Variants in URI1 observed in about 807,000 individuals in gnomAD.
URI1 encodes the protein URI1 prefoldin like chaperone, also known as unconventional prefoldin RPB5 interactor 1.
Under a neutral mutation model 60.2 loss-of-function variants are expected in URI1, and 39 were observed. The observed-to-expected ratio is 0.65, with a 90% CI of 0.50 to 0.85. The LOEUF (loss-of-function observed/expected upper bound fraction) is 0.85. Ranked by LOEUF, URI1 falls within the 40% of genes least tolerant of loss-of-function variation. URI1 has a pLI of 0.00. For missense variants in URI1, 691 were observed against 665.9 expected (o/e 1.04, Z -0.42); for synonymous variants, 251 against 236.8 (o/e 1.06, Z -0.55).
intron 2 of URI1, among the ~76,000 whole-genome samples, chr19:29,981,685 A>G (rs1308840588): frequency 1.3e-5 from 2 of 152,146 alleles, no homozygotes; most frequent in Non-Finnish European, 2.9e-5. Flanking sequence ...CTGATCTATA[A>G]GGATCCATTA....
chr19:29,931,761 A>G (rs2054919300), intron 1 of URI1, among the ~76,000 whole-genome samples: 1 of 152,066 alleles, frequency 6.6e-6, no homozygotes, highest in Non-Finnish European at 1.5e-5. Flanking sequence ...TTTATTCTTG[A>G]TGTTACTGTA....
chr19:29,930,873 T>G (rs2145196178), intron 1 of URI1, among the ~76,000 whole-genome samples: 1 of 151,696 alleles, frequency 6.6e-6, no homozygotes, highest in South Asian at 2.1e-4. Context: ...TTTTTTTTTT[T>G]TTTTCTGTAG....
rs549472925 is a variant in URI1 at position 29,968,985 on chromosome 19, T to A, written c.118-2208T>A. ...GGCTTAAATCTTTTCTGCAAGTAGG[T>A]GGACCATAAATCATATAAACAAAGA... On this transcript the variant is annotated intron_variant, in intron 1 of 10. Transcript: ENST00000392271. Among the ~76,000 whole-genome samples the A allele has an allele frequency of 1.2e-3, 188 of 152,120 alleles. 1 individual carries two copies. The highest frequency in any genetic ancestry group is 4.2e-3 in the African/African-American group (173 of 41,526).
chr19:29,944,199 TAACTA>T (rs1283803714), intron 1 of URI1, among the ~76,000 whole-genome samples: 2 of 80,206 alleles, frequency 2.5e-5, no homozygotes, highest in East Asian at 3.2e-4. Context: ...ATATAAAACT[TAACTA>T]GTTTGGCGTC....
intron 1 of URI1, among the ~76,000 whole-genome samples, chr19:29,951,968 TAAG>T (rs1684541301): frequency 6.6e-6 from 1 of 152,224 alleles, no homozygotes; most frequent in South Asian, 2.1e-4. Flanking sequence ...CCTTATAAAA[TAAG>T]AAATGCTTAG....
chr19:29,939,278 A>ATT (rs771247218), upstream of URI1, among the ~76,000 whole-genome samples: 1 of 129,990 alleles, frequency 7.7e-6, no homozygotes, highest in Non-Finnish European at 1.7e-5. Context: ...CGCCTTGCCA[A>ATT]TTTTTTTTTT....
Position 29,942,243 on chromosome 19 carries a change from G to A in URI1, c.-305G>A, listed in dbSNP as rs1568406425. On this transcript the variant is annotated 5_prime_UTR_variant, in exon 1 of 11. Transcript: ENST00000392271. ...GCGTGCCGCGAGAGGCGGGGCGTGTGGGGAGGCGCGGCCGCCACGCGACGC... is the reference window on the plus strand; with the variant it reads ...GCGTGCCGCGAGAGGCGGGGCGTGTAGGGAGGCGCGGCCGCCACGCGACGC... 1.0e-6 allele frequency: 1 copy of A among 984,592 alleles called. No individual in the cohort carries two copies. The highest frequency in any genetic ancestry group is 1.1e-4 in the East Asian group (1 of 8,792). 61.0% of individuals were successfully genotyped at this position (984,592 alleles called of 1,614,324 possible). A position where few individuals can be genotyped will look rare whatever the true frequency, so the allele number is the denominator to read the frequency against.
intron 1 of URI1, among the ~76,000 whole-genome samples, 171 bp downstream of exon 1, chr19:29,942,835 G>C (rs369305215): frequency 1.3e-5 from 2 of 152,270 alleles, no homozygotes; most frequent in East Asian, 3.9e-4. Flanking sequence ...CTTTGACTTC[G>C]CAGCGGAGTG....
At chr19:29,997,598 CTT>C (rs2055828389) in intron 4 of URI1, among the ~76,000 whole-genome samples, 1 of 151,626 alleles carries the variant, frequency 6.6e-6, no homozygotes, top group Non-Finnish European at 1.5e-5. Context: ...TCAGTTTACT[CTT>C]TCTTTTTTTT....
chr19:29,980,612 TAAAAAAA>T (rs71333427), intron 2 of URI1, among the ~76,000 whole-genome samples: 3 of 73,860 alleles, frequency 4.1e-5, no homozygotes, highest in African/African-American at 5.8e-5. Context: ...TTTTTTTTCT[TAAAAAAA>T]AAAAAAAAAA....
intron 2 of URI1, among the ~76,000 whole-genome samples, chr19:29,975,169 G>A (rs2055505202): frequency 6.6e-6 from 1 of 152,090 alleles, no homozygotes; most frequent in Admixed American, 6.6e-5. Context: ...GCTGTCCACA[G>A]TGGCTGGACA....
chr19:30,013,141 CTG>C (rs2056044216), intron 10 of URI1, among the ~76,000 whole-genome samples: 1 of 152,116 alleles, frequency 6.6e-6, no homozygotes, highest in Non-Finnish European at 1.5e-5. Context: ...ATAAGGATGT[CTG>C]TGAAATATAA....
intron 4 of URI1, among the ~76,000 whole-genome samples, chr19:29,989,769 GTT>G (rs35380622): frequency 0.032 from 4,704 of 147,692 alleles, 120 homozygotes; most frequent in East Asian, 0.079. Context: ...CGTTTTGAGA[GTT>G]TTTTTTTTTT....
At chr19:29,987,904 A>G (rs1201345984) in intron 4 of URI1, among the ~76,000 whole-genome samples, 1 of 152,208 alleles carries the variant, frequency 6.6e-6, no homozygotes, top group Non-Finnish European at 1.5e-5. Flanking sequence ...GCAGGGGCTC[A>G]TGCCTGTAAT....
At chr19:29,978,100 A>G (rs2145348528) in intron 2 of URI1, among the ~76,000 whole-genome samples, 1 of 152,296 alleles carries the variant, frequency 6.6e-6, no homozygotes, top group South Asian at 2.1e-4. Flanking sequence ...TTAAAGAGTT[A>G]AATGATTTTT....
At chr19:29,967,718 G>A (rs1753011683) in intron 1 of URI1, among the ~76,000 whole-genome samples, 1 of 152,320 alleles carries the variant, frequency 6.6e-6, no homozygotes, top group Non-Finnish European at 1.5e-5. Flanking sequence ...ATGATGGTTG[G>A]AAGCAGGCCA....
intron 1 of URI1, among the ~76,000 whole-genome samples, chr19:29,965,386 G>A (rs1409483831): frequency 6.6e-6 from 1 of 152,178 alleles, no homozygotes; most frequent in Non-Finnish European, 1.5e-5. Flanking sequence ...GGCATGCAAG[G>A]TGGAATTCAG....
intron 1 of URI1, among the ~76,000 whole-genome samples, chr19:29,927,750 T>G (rs2054882169): frequency 1.3e-5 from 2 of 151,704 alleles, no homozygotes; most frequent in Admixed American, 1.3e-4. Flanking sequence ...CTAATTTTTG[T>G]ATTTTTAGTA....
Position 30,005,847 on chromosome 19 carries a change from A to AT in URI1, c.517+148dup, listed in dbSNP as rs573486758. ...GATGCCAACATTTTTCTACTCATTG[A>AT]TTTTTTTTTATGTGAAACATTAATG... On this transcript the variant is annotated intron_variant, in intron 6 of 10. Transcript: ENST00000392271. 1,028 of 709,332 alleles carry AT rather than the reference A, an allele frequency of 1.4e-3. 1 individual carries two copies. The highest frequency in any genetic ancestry group is 0.011 in the African/African-American group (601 of 53,344). The allele number at this position is 709,332 out of a possible 1,614,324, so 43.9% of individuals were successfully genotyped here.
Sources: allele counts gnomAD v4.1 joint callset (sites outside exome capture counted in the v4.1 genomes callset), GRCh38; gene constraint gnomAD v4.1.1; transcripts MANE v1.5; gene names NCBI Gene and HGNC (gene_info 2026-07-23, HGNC 2026-07-21).